The following MARCHF1 variants were observed in gnomAD, a reference collection of about 807,000 sequenced individuals.
The protein encoded by MARCHF1 is E3 ubiquitin-protein ligase MARCHF1.
MARCHF1 carries 40 observed loss-of-function variants against 54.2 expected under a neutral mutation model. That is an observed-to-expected ratio of 0.74 (90% CI 0.57 to 0.96). MARCHF1 has a LOEUF of 0.96. Ranked by LOEUF, MARCHF1 falls within the 40% of genes least tolerant of loss-of-function variation. MARCHF1 has a pLI of 0.00. For missense variants in MARCHF1, 586 were observed against 656.5 expected, an observed-to-expected ratio of 0.89 and a Z score of 1.17; for synonymous variants, 236 against 236.3, an observed-to-expected ratio of 1.00 and a Z score of 0.01.
chr4:163,576,523 G>A (rs13137621), intron 8 of MARCHF1, among the ~76,000 whole-genome samples: 47,869 of 151,936 alleles, frequency 0.32, 9,199 homozygotes, highest in Non-Finnish European at 0.43. Flanking sequence ...TTCTGTGGTT[G>A]ATGAATAGAG....
rs543983550 is a variant in MARCHF1 at position 163,874,734 on chromosome 4, T to G, written c.-38-20565A>C. On this transcript the variant is annotated intron_variant, in intron 3 of 9. Coordinates refer to ENST00000514618, the MANE Select transcript of MARCHF1 (RefSeq NM_001394959.1). ...TCATTATGGGCCGAGCTATATTTTC[T>G]GTGCAATTTTATATCTCTACGGTAC... Among the ~76,000 whole-genome samples the G allele has an allele frequency of 5.9e-5, 9 of 152,302 alleles. No individual in the cohort carries two copies. In the South Asian group the frequency reaches 1.9e-3, roughly 32 times the overall value.
At chr4:164,330,803 G>T (rs984858985) in intron 1 of MARCHF1, among the ~76,000 whole-genome samples, 17 of 152,210 alleles carry the variant, frequency 1.1e-4, no homozygotes, top group South Asian at 4.2e-4. Context: ...CAGCACTGGG[G>T]ATTTTACCAC....
intron 2 of MARCHF1, among the ~76,000 whole-genome samples, chr4:164,098,393 C>T (rs1579530815): frequency 6.6e-6 from 1 of 152,098 alleles, no homozygotes; most frequent in East Asian, 1.9e-4. Flanking sequence ...AACTCAAGAT[C>T]ACCAGGAAGT....
At chr4:164,285,722 A>C (rs1734129463) in intron 1 of MARCHF1, among the ~76,000 whole-genome samples, 1 of 151,440 alleles carries the variant, frequency 6.6e-6, no homozygotes, top group Non-Finnish European at 1.5e-5. Flanking sequence ...CAGCCTCCCA[A>C]AGTGCTGGGA....
At chr4:163,915,557 T>A (rs1751289675) in intron 3 of MARCHF1, among the ~76,000 whole-genome samples, 2 of 152,168 alleles carry the variant, frequency 1.3e-5, no homozygotes, top group Admixed American at 1.3e-4. Context: ...TGGATTTTAA[T>A]TAATAATAAT....
chr4:164,129,286 T>C (rs1756251344), intron 1 of MARCHF1, among the ~76,000 whole-genome samples: 1 of 152,190 alleles, frequency 6.6e-6, no homozygotes, highest in Admixed American at 6.6e-5. Flanking sequence ...GATCTCATAA[T>C]TATAACTCTA....
At chr4:163,770,445 AAT>A (rs1339002558) in intron 4 of MARCHF1, among the ~76,000 whole-genome samples, 1 of 152,166 alleles carries the variant, frequency 6.6e-6, no homozygotes. Context: ...TTCAGTATAA[AAT>A]ATGAGCTCAA....
chr4:164,112,265 A>G (rs2111184542), intron 1 of MARCHF1, among the ~76,000 whole-genome samples: 1 of 152,014 alleles, frequency 6.6e-6, no homozygotes, highest in East Asian at 1.9e-4. Flanking sequence ...CCCTTTGTAT[A>G]AAACAACACC....
intron 3 of MARCHF1, among the ~76,000 whole-genome samples, chr4:163,885,930 C>T (rs1017535084): frequency 6.8e-6 from 1 of 147,120 alleles, no homozygotes; most frequent in Non-Finnish European, 1.5e-5. Context: ...ATCTAGCTAT[C>T]TAATATATAT....
chr4:164,346,707 G>A (rs1036069132), intron 1 of MARCHF1, among the ~76,000 whole-genome samples: 2 of 140,848 alleles, frequency 1.4e-5, no homozygotes, highest in Non-Finnish European at 3.0e-5. Flanking sequence ...CATGAAAAAT[G>A]CTTATTCTTT....
rs79624220 is a variant in MARCHF1, at chr4:164,038,016, G to C, written c.-247-49307C>G. On this transcript the variant is annotated intron_variant, in intron 2 of 9. Coordinates refer to ENST00000514618, the MANE Select transcript of MARCHF1 (RefSeq NM_001394959.1). ...AAGAAATGGGTGTGGCCATGAAACTGCACCATGAGGGAGCTTTGTTGTGAT... is the reference window on the plus strand; with the variant it reads ...AAGAAATGGGTGTGGCCATGAAACTCCACCATGAGGGAGCTTTGTTGTGAT... Among the ~76,000 whole-genome samples the C allele has an allele frequency of 5.9e-3, 905 of 152,238 alleles. 6 individuals carry two copies. The highest frequency in any genetic ancestry group is 8.6e-3 in the Non-Finnish European group (587 of 68,024).
At chr4:163,581,223 TTGATA>T (rs957695585) in intron 8 of MARCHF1, among the ~76,000 whole-genome samples, 1 of 152,224 alleles carries the variant, frequency 6.6e-6, no homozygotes, top group African/African-American at 2.4e-5. Flanking sequence ...TTGAATGATT[TTGATA>T]TGATATTTTA....
At chr4:163,694,287 G>A (rs1252806868) in intron 5 of MARCHF1, among the ~76,000 whole-genome samples, 2 of 152,080 alleles carry the variant, frequency 1.3e-5, no homozygotes, top group African/African-American at 4.8e-5. Flanking sequence ...ATCTCCTTTG[G>A]CTTCTGGGTG....
chr4:163,990,121 C>T (rs145790263), intron 2 of MARCHF1, among the ~76,000 whole-genome samples: 26 of 152,168 alleles, frequency 1.7e-4, no homozygotes, highest in African/African-American at 5.8e-4. Flanking sequence ...TATGTAAAGA[C>T]TGAATTAACA....
chr4:164,370,820 A>T (rs989590276), intron 1 of MARCHF1, among the ~76,000 whole-genome samples: 18 of 152,146 alleles, frequency 1.2e-4, no homozygotes, highest in African/African-American at 4.1e-4. Flanking sequence ...AGACAGGAGA[A>T]TCTCTTGAGC....
At chr4:164,240,797 TC>T (rs1291526296) in intron 1 of MARCHF1, among the ~76,000 whole-genome samples, 1 of 152,048 alleles carries the variant, frequency 6.6e-6, no homozygotes, top group Non-Finnish European at 1.5e-5. Flanking sequence ...ATCATGACAT[TC>T]TTTGTTGGGG....
chr4:163,766,191 A>G (rs1213857207), intron 4 of MARCHF1, among the ~76,000 whole-genome samples: 2 of 152,046 alleles, frequency 1.3e-5, no homozygotes, highest in Non-Finnish European at 2.9e-5. Flanking sequence ...GGTGACACCT[A>G]TAAATCATCT....
Position 163,602,226 on chromosome 4 carries a change from A to G in MARCHF1, c.1010+10045T>C, listed in dbSNP as rs535121095. On this transcript the variant is annotated intron_variant, in intron 7 of 9. Transcript: ENST00000514618. ...TACAATGTGGTGTTATAAACATTTTACTTCTCTTTGTTGGAGAAATGCTTA... is the reference window on the plus strand; with the variant it reads ...TACAATGTGGTGTTATAAACATTTTGCTTCTCTTTGTTGGAGAAATGCTTA... Among the ~76,000 whole-genome samples the G allele has an allele frequency of 2.6e-5, 4 of 152,276 alleles. No individual in the cohort carries two copies. The East Asian group carries it at 7.7e-4, about 29-fold the overall frequency.
chr4:164,027,226 A>G (rs1480162546), intron 2 of MARCHF1, among the ~76,000 whole-genome samples: 2 of 151,932 alleles, frequency 1.3e-5, no homozygotes, highest in African/African-American at 4.8e-5. Flanking sequence ...ACAGCATTAT[A>G]CAAAAGTATT....
Sources: allele counts gnomAD v4.1 joint callset (sites outside exome capture counted in the v4.1 genomes callset), GRCh38; gene constraint gnomAD v4.1.1; transcripts MANE v1.5; gene names NCBI Gene and HGNC (gene_info 2026-07-23, HGNC 2026-07-21).